STXBP5L: variants seen among roughly 807,000 people sequenced by gnomAD.
The protein encoded by STXBP5L is syntaxin-binding protein 5-like.
In STXBP5L, 65 loss-of-function variants were observed where a neutral mutation model predicts 144.5. The observed-to-expected ratio is 0.45, with a 90% confidence interval of 0.37 to 0.55. The LOEUF is 0.55. STXBP5L is among the 20% of genes least tolerant of loss of function. STXBP5L has a pLI of 0.00. For synonymous variants in STXBP5L, 505 were observed against 469.6 expected, an observed-to-expected ratio of 1.08 and a Z score of -0.97; for missense variants, 1,298 against 1,405.5, an observed-to-expected ratio of 0.92 and a Z score of 1.22.
intron 3 of STXBP5L, among the ~76,000 whole-genome samples, chr3:120,980,628 T>G (rs1941668300): frequency 6.6e-6 from 1 of 152,136 alleles, no homozygotes; most frequent in Non-Finnish European, 1.5e-5. Context: ...TAAGAAGCTA[T>G]CATTGGATCT....
chr3:121,206,616 C>G (rs1310056185), intron 10 of STXBP5L, among the ~76,000 whole-genome samples: 1 of 152,130 alleles, frequency 6.6e-6, no homozygotes, highest in African/African-American at 2.4e-5. Flanking sequence ...TCGAGACCAG[C>G]CTGGGCAACA....
At chr3:120,973,127 T>C (rs9856855) in intron 3 of STXBP5L, among the ~76,000 whole-genome samples, 78,258 of 151,926 alleles carry the variant, frequency 0.52, 20,602 homozygotes, top group Admixed American at 0.6. Flanking sequence ...TATTTTGGCA[T>C]AACTTTAGTA....
At chr3:121,351,482 A>T (rs1275668806) in intron 20 of STXBP5L, among the ~76,000 whole-genome samples, 2 of 151,920 alleles carry the variant, frequency 1.3e-5, no homozygotes, top group Non-Finnish European at 2.9e-5. Context: ...ACTCTCCAGA[A>T]GTCTTCTTTT....
At chr3:121,097,427 A>G (rs959529870) in intron 5 of STXBP5L, among the ~76,000 whole-genome samples, 9 of 152,128 alleles carry the variant, frequency 5.9e-5, no homozygotes, top group African/African-American at 2.2e-4. Flanking sequence ...CTCGAAACCC[A>G]GGGCCCTGGT....
chr3:121,108,860 G>A (rs903560154), intron 5 of STXBP5L, among the ~76,000 whole-genome samples: 4 of 152,038 alleles, frequency 2.6e-5, no homozygotes, highest in Non-Finnish European at 5.9e-5. Flanking sequence ...TTTTTGGTTG[G>A]TAGGCTATTT....
At position 121,259,230 on chromosome 3, in the gene STXBP5L, G is replaced by A. The variant is rs867187611; in HGVS notation, c.1958+62G>A. 282 of 1,314,624 alleles carry A rather than the reference G, an allele frequency of 2.1e-4. 1 individual carries two copies. In the Middle Eastern group the frequency reaches 2.2e-3, roughly 10 times the overall value. The allele number at this position is 1,314,624 out of a possible 1,614,324, so 81.4% of individuals were successfully genotyped here. A position where few individuals can be genotyped will look rare whatever the true frequency, so the allele number is the denominator to read the frequency against. ...AGCTAATATGTTTGATTTTTTAGAT[G>A]TTCCTTGCTTAAGTCCTAAAAATGA... On this transcript the variant is annotated intron_variant, in intron 18 of 26. Coordinates refer to ENST00000471454, the MANE Select transcript of STXBP5L (RefSeq NM_001308330.2).
intron 19 of STXBP5L, among the ~76,000 whole-genome samples, chr3:121,314,698 A>T (rs1329434355): frequency 6.6e-6 from 1 of 152,146 alleles, no homozygotes; most frequent in Non-Finnish European, 1.5e-5. Context: ...TGAACAGGCA[A>T]CCTACAAAAT....
At chr3:121,155,111 G>T (rs1036499922) in intron 8 of STXBP5L, among the ~76,000 whole-genome samples, 42 of 151,736 alleles carry the variant, frequency 2.8e-4, no homozygotes, top group African/African-American at 9.7e-4. Flanking sequence ...AACAGATTAT[G>T]GAATTCTCTA....
At chr3:120,938,057 G>C (rs1710360227) in intron 2 of STXBP5L, among the ~76,000 whole-genome samples, 1 of 151,710 alleles carries the variant, frequency 6.6e-6, no homozygotes, top group Non-Finnish European at 1.5e-5. Flanking sequence ...AAAAAAGTTA[G>C]AAAATACAGG....
At chr3:121,327,693 C>T (rs2044196181) in intron 20 of STXBP5L, among the ~76,000 whole-genome samples, 1 of 152,110 alleles carries the variant, frequency 6.6e-6, no homozygotes, top group Non-Finnish European at 1.5e-5. Context: ...ATAACATTCA[C>T]ATTTTAGTGT....
chr3:121,413,143 C>CT lies in STXBP5L; in HGVS notation c.2949-9dup. ...AACCTGCATATGATATATGGATTTA[C>CT]TTTTTTCCATTCAGCCTACCTAGTC... On this transcript the variant is annotated splice_polypyrimidine_tract_variant and intron_variant, in intron 23 of 26. Coordinates refer to ENST00000471454, the MANE Select transcript of STXBP5L (RefSeq NM_001308330.2). 2 of 1,554,010 alleles carry CT rather than the reference C, an allele frequency of 1.3e-6. No individual in the cohort carries two copies. The highest frequency in any genetic ancestry group is 1.7e-6 in the Non-Finnish European group (2 of 1,153,418).
intron 2 of STXBP5L, among the ~76,000 whole-genome samples, chr3:120,913,538 T>C (rs1708956783): frequency 6.6e-6 from 1 of 152,056 alleles, no homozygotes; most frequent in Non-Finnish European, 1.5e-5. Context: ...GCCTTAAACA[T>C]TTTATTTTAA....
At chr3:121,215,337 G>A (rs964214428) in intron 10 of STXBP5L, among the ~76,000 whole-genome samples, 1 of 152,162 alleles carries the variant, frequency 6.6e-6, no homozygotes, top group African/African-American at 2.4e-5. Context: ...GCAATGGCTA[G>A]TACCAGTTTT....
At chr3:120,972,350 C>T (rs1940368919) in intron 3 of STXBP5L, among the ~76,000 whole-genome samples, 2 of 152,010 alleles carry the variant, frequency 1.3e-5, no homozygotes, top group South Asian at 4.1e-4. Context: ...CGATTGAATT[C>T]TTGATTTGCT....
intron 15 of STXBP5L, among the ~76,000 whole-genome samples, chr3:121,251,788 A>C (rs2050033921): frequency 6.6e-6 from 1 of 152,192 alleles, no homozygotes; most frequent in Non-Finnish European, 1.5e-5. Context: ...AAGGTTGAAT[A>C]TTGATGATAC....
At chr3:121,373,452 A>G (rs1291180458) in intron 20 of STXBP5L, among the ~76,000 whole-genome samples, 1 of 152,200 alleles carries the variant, frequency 6.6e-6, no homozygotes, top group Non-Finnish European at 1.5e-5. Flanking sequence ...ATATGATGCC[A>G]TTTTGAGAGC....
At chr3:121,082,136 T>C (rs960047863) in intron 5 of STXBP5L, among the ~76,000 whole-genome samples, 2 of 152,186 alleles carry the variant, frequency 1.3e-5, no homozygotes, top group African/African-American at 2.4e-5. Context: ...AATAAGTTTT[T>C]TTACTTTTCA....
At chr3:120,972,143 GA>G (rs1305958564) in intron 3 of STXBP5L, among the ~76,000 whole-genome samples, 5 of 151,848 alleles carry the variant, frequency 3.3e-5, no homozygotes, top group East Asian at 3.9e-4. Flanking sequence ...GAATTGCATT[GA>G]ATATGTACAT....
At chr3:121,374,837 AG>A (rs2046135565) in intron 20 of STXBP5L, among the ~76,000 whole-genome samples, 1 of 152,140 alleles carries the variant, frequency 6.6e-6, no homozygotes, top group African/African-American at 2.4e-5. Context: ...GAATTAGGAA[AG>A]CCTAGGAGTT....
Sources: allele counts gnomAD v4.1 joint callset (sites outside exome capture counted in the v4.1 genomes callset), GRCh38; gene constraint gnomAD v4.1.1; transcripts MANE v1.5; gene names NCBI Gene and HGNC (gene_info 2026-07-23, HGNC 2026-07-21).